Variants in NCKAP1 observed in about 807,000 individuals in gnomAD.
NCKAP1 encodes nck-associated protein 1.
NCKAP1 carries 21 observed loss-of-function variants against 151.2 expected under a neutral mutation model. That is an observed-to-expected ratio of 0.14 (90% CI 0.10 to 0.20). The LOEUF (loss-of-function observed/expected upper bound fraction) is 0.20. Ranked by LOEUF, NCKAP1 falls within the 10% of genes least tolerant of loss-of-function variation. The pLI, the probability that NCKAP1 is intolerant of heterozygous loss-of-function variation, is 1.00. For synonymous variants in NCKAP1, 484 were observed against 451.8 expected (o/e 1.07, Z -0.90); for missense variants, 933 against 1,352.1 (o/e 0.69, Z 4.86).
intron 2 of NCKAP1, among the ~76,000 whole-genome samples, chr2:183,006,460 T>G (rs892913137): frequency 6.6e-6 from 1 of 152,256 alleles, no homozygotes; most frequent in Admixed American, 6.5e-5. Flanking sequence ...TGATATTTAC[T>G]GAGCATACAT....
chr2:182,963,062 T>C (rs1047195015), intron 17 of NCKAP1, among the ~76,000 whole-genome samples: 12 of 152,042 alleles, frequency 7.9e-5, no homozygotes, highest in Non-Finnish European at 1.5e-4. Context: ...ACAGTATTTA[T>C]ATGATGAAAT....
chr2:183,007,294 A>G (rs1025738016), intron 2 of NCKAP1, among the ~76,000 whole-genome samples: 1 of 152,192 alleles, frequency 6.6e-6, no homozygotes, highest in Non-Finnish European at 1.5e-5. Context: ...ATATTCAAGT[A>G]AAATATGTAA....
In NCKAP1 at chr2:182,909,361, C is replaced by G. The variant is rs573479078; in HGVS notation, c.*16341G>C. 6.6e-6 allele frequency: 1 copy of G among 152,150 alleles called. No homozygotes were observed. Among genetic ancestry groups the G allele is most frequent in the African/African-American group, 2.4e-5 (1 of 41,426 alleles). 9.4% of individuals were successfully genotyped at this position (152,150 alleles called of 1,614,324 possible). The stretch of plus-strand genomic sequence containing the variant: ...CTTCATACACCTTCTCTTCATTTCC[C>G]TCTCCTTGCCAGCCCCTGCCAACCA... On this transcript the variant is annotated 3_prime_UTR_variant, in exon 31 of 31. Transcript: ENST00000361354.
At chr2:183,007,264 G>A (rs1355971819) in intron 2 of NCKAP1, among the ~76,000 whole-genome samples, 1 of 152,088 alleles carries the variant, frequency 6.6e-6, no homozygotes, top group Non-Finnish European at 1.5e-5. Context: ...AAACTTTCTA[G>A]CTATGGGTCA....
chr2:183,034,846 T>C (rs1699072722), intron 1 of NCKAP1, among the ~76,000 whole-genome samples: 1 of 152,150 alleles, frequency 6.6e-6, no homozygotes. Context: ...GAATAGACTT[T>C]AGTGTTCCTT....
chr2:182,925,925 T>C (rs1290900549), intron 30 of NCKAP1, 107 bp from the exon 31 acceptor site: 13 of 535,384 alleles, frequency 2.4e-5, no homozygotes, highest in African/African-American at 4.0e-5. Flanking sequence ...CAGTAAGGCA[T>C]AACTTCTATA....
At chr2:183,001,899 C>A in intron 6 of NCKAP1, 54 bp downstream of exon 6, 1 of 1,455,946 alleles carries the variant, frequency 6.9e-7, no homozygotes, top group Non-Finnish European at 9.6e-7. Flanking sequence ...AACCATCCAT[C>A]CTCATGCTAT....
chr2:183,035,295 AC>A (rs974063347), intron 1 of NCKAP1, among the ~76,000 whole-genome samples: 23 of 151,996 alleles, frequency 1.5e-4, no homozygotes, highest in Middle Eastern at 3.4e-3. Context: ...AAAAAAAAAA[AC>A]ATTCTTCAGT....
At chr2:182,994,791 A>C in intron 8 of NCKAP1, 48 bp downstream of exon 8, 9 of 1,489,118 alleles carry the variant, frequency 6.0e-6, no homozygotes, top group Non-Finnish European at 8.4e-6. Context: ...TTTTTCTCTA[A>C]AACATAAAGC....
At chr2:183,027,798 C>T (rs1238226941) in intron 1 of NCKAP1, among the ~76,000 whole-genome samples, 4 of 152,124 alleles carry the variant, frequency 2.6e-5, no homozygotes, top group Non-Finnish European at 5.9e-5. Flanking sequence ...TTATTCCCCA[C>T]CCAAACTCAA....
chr2:182,953,400 A>G, intron 20 of NCKAP1, 69 bp from the exon 21 acceptor site: 1 of 1,005,926 alleles, frequency 9.9e-7, no homozygotes, highest in Admixed American at 2.5e-5. Context: ...AAACCACTCA[A>G]CCTACTGTTA....
intron 23 of NCKAP1, among the ~76,000 whole-genome samples, chr2:182,943,643 G>GA (rs202245847): frequency 0.047 from 6,816 of 143,698 alleles, 212 homozygotes; most frequent in South Asian, 0.14. Flanking sequence ...TCACTAAAAG[G>GA]AAAAAAAAAA....
At chr2:182,977,805 A>C (rs1471049676) in intron 14 of NCKAP1, among the ~76,000 whole-genome samples, 1 of 152,240 alleles carries the variant, frequency 6.6e-6, no homozygotes, top group Non-Finnish European at 1.5e-5. Flanking sequence ...ATATGAATAT[A>C]CTTAACACTA....
At chr2:183,014,734 G>A (rs1698652370) in intron 2 of NCKAP1, among the ~76,000 whole-genome samples, 2 of 152,154 alleles carry the variant, frequency 1.3e-5, no homozygotes, top group Admixed American at 6.5e-5. Context: ...ACAAAAGGTA[G>A]TACTGAACCT....
chr2:182,961,064 T>A (rs1240269741), intron 18 of NCKAP1, among the ~76,000 whole-genome samples: 4 of 152,150 alleles, frequency 2.6e-5, no homozygotes, highest in Non-Finnish European at 5.9e-5. Flanking sequence ...ATGGCGATCA[T>A]TAAAAAGTCA....
At chr2:182,996,543 C>T (rs35488919) in intron 6 of NCKAP1, among the ~76,000 whole-genome samples, 17,732 of 152,126 alleles carry the variant, frequency 0.12, 1,584 homozygotes, top group African/African-American at 0.25. Context: ...CTGCAAGCTC[C>T]GCCTCCCAGG....
At position 182,925,675 on chromosome 2, in the gene NCKAP1, G is replaced by A. The variant is rs751136773; in HGVS notation, c.*27C>T. On this transcript the variant is annotated 3_prime_UTR_variant, in exon 31 of 31. Transcript: ENST00000361354. ...GGTAAAACCAAGGCAACAAAAATGC[G>A]TGCTTATCTTGATTAAGTAGGTAAT... 1.3e-5 allele frequency: 18 copies of A among 1,383,940 alleles called. No homozygotes were observed. The highest frequency in any genetic ancestry group is 4.9e-5 in the East Asian group (2 of 40,492). The allele number at this position is 1,383,940 out of a possible 1,614,324, so 85.7% of individuals were successfully genotyped here. A position where few individuals can be genotyped will look rare whatever the true frequency, so the allele number is the denominator to read the frequency against.
chr2:182,952,561 A>AGTATTTTCTT, intron 22 of NCKAP1, 59 bp from the exon 23 acceptor site: 1 of 1,299,080 alleles, frequency 7.7e-7, no homozygotes, highest in Non-Finnish European at 1.1e-6. Flanking sequence ...TAAGAAAATG[A>AGTATTTTCTT]ACATTAACAC....
chr2:182,959,641 G>T (rs113598259), intron 18 of NCKAP1, among the ~76,000 whole-genome samples: 13,311 of 152,104 alleles, frequency 0.088, 717 homozygotes, highest in Non-Finnish European at 0.12. Context: ...ATACTGAATG[G>T]GCAAAAACTG....
Sources: allele counts gnomAD v4.1 joint callset (sites outside exome capture counted in the v4.1 genomes callset), GRCh38; gene constraint gnomAD v4.1.1; transcripts MANE v1.5; gene names NCBI Gene and HGNC (gene_info 2026-07-23, HGNC 2026-07-21).